Variants in ADGRB3 observed in about 807,000 individuals in gnomAD.
ADGRB3 encodes the protein brain-specific angiogenesis inhibitor 3.
A neutral mutation model predicts 193.4 loss-of-function variants in ADGRB3; 37 were observed. That is an observed-to-expected ratio of 0.19 (90% CI 0.15 to 0.25). ADGRB3 has a LOEUF of 0.25. ADGRB3 is among the 10% of genes least tolerant of loss of function. The pLI is 1.00. For synonymous variants in ADGRB3, 690 were observed against 644.2 expected (o/e 1.07, Z -1.08); for missense variants, 1,637 against 1,852.9 (o/e 0.88, Z 2.14).
intron 17 of ADGRB3, among the ~76,000 whole-genome samples, chr6:69,206,448 G>A (rs1481574585): frequency 1.3e-5 from 2 of 151,966 alleles, no homozygotes; most frequent in Non-Finnish European, 2.9e-5. Context: ...TTGACACTCA[G>A]TATTAACCAT....
rs556580895 is a variant in ADGRB3, at chr6:69,315,932, T to C, written c.2815-8940T>C. ...TTACAGTGTGCAAATATTGATACTCTTTAAGGGTTTCTAAATAGTATACTG... is the reference window on the plus strand; with the variant it reads ...TTACAGTGTGCAAATATTGATACTCCTTAAGGGTTTCTAAATAGTATACTG... On this transcript the variant is annotated intron_variant, in intron 20 of 31. Coordinates refer to ENST00000370598, the MANE Select transcript of ADGRB3 (RefSeq NM_001704.3). Among the ~76,000 whole-genome samples the C allele has an allele frequency of 3.3e-5, 5 of 151,522 alleles. No homozygotes were observed. In the East Asian group the frequency reaches 5.8e-4, roughly 18 times the overall value.
At chr6:68,685,738 A>G (rs1282378852) in intron 3 of ADGRB3, among the ~76,000 whole-genome samples, 6 of 151,858 alleles carry the variant, frequency 4.0e-5, no homozygotes, top group Non-Finnish European at 5.9e-5. Context: ...AAAAGAAAAA[A>G]AAAAATTAGC....
rs140623029 is a variant in ADGRB3, at chr6:68,974,765, C to T, written c.1528C>T (p.Pro510Ser). 2 of 1,613,336 alleles carry T rather than the reference C, an allele frequency of 1.2e-6. No homozygotes were observed. The highest frequency in any genetic ancestry group is 1.7e-6 in the Non-Finnish European group (2 of 1,179,632). ...AGTCCCTTTGTTTAAAATTGCAGCA[C>T]CTTATGAAATATGCCCTGAGGATTA... ...RRCNEQRCPA[P>S]YEICPEDYLM... is the part of the protein sequence containing the mutation. The change falls in exon 9 of 32, where the codon CCT (proline) becomes TCT (serine). Residue 510 changes from proline to serine, a missense_variant and splice_region_variant. Physicochemically the swap from Pro to Ser is moderately conservative, Grantham distance 74. Around this residue, in one of 7 missense-constraint regions of ADGRB3, gnomAD observed 641 missense variants for 673.9 expected, o/e 0.95. Coordinates refer to ENST00000370598, the MANE Select transcript of ADGRB3 (RefSeq NM_001704.3).
chr6:68,638,660 G>T lies in ADGRB3; in HGVS notation c.-15-1G>T, dbSNP rs1353067479. 2 of 1,595,518 alleles carry T rather than the reference G, an allele frequency of 1.3e-6. No homozygotes were observed. Among genetic ancestry groups the T allele is most frequent in the African/African-American group, 2.7e-5 (2 of 73,880 alleles). Reference sequence around the variant, plus strand: ...TTTTACTTTCATTGCCATTTTTACAGGCCAAATGACATAGGATGAAGGCTG... The same window carrying T: ...TTTTACTTTCATTGCCATTTTTACATGCCAAATGACATAGGATGAAGGCTG... On this transcript the variant is annotated splice_acceptor_variant, in intron 2 of 31. Transcript: ENST00000370598. LOFTEE classifies it low-confidence loss of function (5UTR_SPLICE).
intron 3 of ADGRB3, among the ~76,000 whole-genome samples, chr6:68,829,176 T>C (rs1273822078): frequency 7.1e-6 from 1 of 141,214 alleles, no homozygotes; most frequent in Non-Finnish European, 1.5e-5. Flanking sequence ...CTCGGCTCAC[T>C]GAAACCTCTG....
intron 17 of ADGRB3, among the ~76,000 whole-genome samples, chr6:69,175,409 T>G (rs1339498516): frequency 6.6e-6 from 1 of 152,200 alleles, no homozygotes; most frequent in Non-Finnish European, 1.5e-5. Context: ...CTTTTCTCAT[T>G]GCTTATTTTT....
chr6:69,015,982 A>G (rs2150286097), intron 12 of ADGRB3, among the ~76,000 whole-genome samples: 1 of 152,046 alleles, frequency 6.6e-6, no homozygotes, highest in South Asian at 2.1e-4. Context: ...TTGAAAATTC[A>G]TATGTCTCTA....
At chr6:68,947,305 A>G (rs1340399845) in intron 6 of ADGRB3, among the ~76,000 whole-genome samples, 2 of 152,040 alleles carry the variant, frequency 1.3e-5, no homozygotes, top group Non-Finnish European at 2.9e-5. Context: ...TGGTGGTCCA[A>G]ACTATGTTTT....
intron 17 of ADGRB3, among the ~76,000 whole-genome samples, chr6:69,213,213 C>A (rs1765704174): frequency 6.6e-6 from 1 of 152,126 alleles, no homozygotes; most frequent in Non-Finnish European, 1.5e-5. Flanking sequence ...ATGTAATTTT[C>A]TTCCCTATAA....
Position 69,143,947 on chromosome 6 carries a change from A to C in ADGRB3, c.2480+67909A>C, listed in dbSNP as rs113466285. Among the ~76,000 whole-genome samples the C allele has an allele frequency of 2.7e-3, 416 of 152,296 alleles. 1 individual carries two copies. Among genetic ancestry groups the C allele is most frequent in the African/African-American group, 9.9e-3 (410 of 41,554 alleles). ...TCATTGGTATTTTAAAATGGATTGCACTGAATTTGTAGATTGCTTTGGGTA... is the reference window on the plus strand; with the variant it reads ...TCATTGGTATTTTAAAATGGATTGCCCTGAATTTGTAGATTGCTTTGGGTA... On this transcript the variant is annotated intron_variant, in intron 17 of 31. Coordinates refer to ENST00000370598, the MANE Select transcript of ADGRB3 (RefSeq NM_001704.3).
At chr6:68,785,445 T>C (rs1766946818) in intron 3 of ADGRB3, among the ~76,000 whole-genome samples, 1 of 151,792 alleles carries the variant, frequency 6.6e-6, no homozygotes, top group Admixed American at 6.6e-5. Flanking sequence ...CTGAGAATGA[T>C]GGTTTCCAGC....
At position 68,854,324 on chromosome 6, in the gene ADGRB3, G is replaced by A. The variant is rs544704848; in HGVS notation, c.758-76235G>A. Among the ~76,000 whole-genome samples the A allele has an allele frequency of 8.9e-4, 135 of 152,194 alleles. 1 individual carries two copies. In the South Asian group the frequency reaches 0.02, roughly 22 times the overall value. On this transcript the variant is annotated intron_variant, in intron 3 of 31. Transcript: ENST00000370598. ...ATAACATCAAGAGATTTATTATATA[G>A]CATGGTTTCTATAATTAATAATGAT...
At chr6:68,826,065 T>C (rs1027105418) in intron 3 of ADGRB3, among the ~76,000 whole-genome samples, 1 of 152,108 alleles carries the variant, frequency 6.6e-6, no homozygotes, top group Non-Finnish European at 1.5e-5. Context: ...CAGATATATT[T>C]TGAATACTGA....
intron 11 of ADGRB3, among the ~76,000 whole-genome samples, chr6:69,001,215 T>C (rs1769567717): frequency 1.3e-5 from 2 of 152,222 alleles, no homozygotes; most frequent in African/African-American, 4.8e-5. Flanking sequence ...AAATACTCAA[T>C]AATTAAACTA....
intron 8 of ADGRB3, among the ~76,000 whole-genome samples, chr6:68,963,896 A>G (rs1214736241): frequency 5.3e-5 from 8 of 152,174 alleles, no homozygotes; most frequent in African/African-American, 9.6e-5. Flanking sequence ...CAGATGAACT[A>G]TCTGTTCTCA....
At chr6:69,339,203 T>G (rs1443519629) in intron 25 of ADGRB3, 130 bp from the exon 26 acceptor site, 44 of 1,218,712 alleles carry the variant, frequency 3.6e-5, no homozygotes, top group Non-Finnish European at 3.9e-5. Flanking sequence ...CTCTCAAATG[T>G]CATCTGCTTT....
At chr6:69,186,010 A>C (rs1266183801) in intron 17 of ADGRB3, among the ~76,000 whole-genome samples, 1 of 152,082 alleles carries the variant, frequency 6.6e-6, no homozygotes, top group East Asian at 1.9e-4. Flanking sequence ...CACACAGAGC[A>C]TGCATGTGTG....
intron 30 of ADGRB3, among the ~76,000 whole-genome samples, chr6:69,372,778 G>A (rs373247718): frequency 2.6e-5 from 4 of 152,070 alleles, no homozygotes; most frequent in African/African-American, 7.2e-5. Context: ...TATATTTAAA[G>A]CAATTTTCTT....
In ADGRB3 at chr6:69,000,615, CAT is replaced by C. The variant is rs549616435; in HGVS notation, c.1929+6654_1929+6655del. ...AACAAAAAGCCCCAAAAGTATGAAACATGTGGCAATAAAAAGATCTGAAATGT... is the reference window on the plus strand; with the variant it reads ...AACAAAAAGCCCCAAAAGTATGAAACGTGGCAATAAAAAGATCTGAAATGT... On this transcript the variant is annotated intron_variant, in intron 11 of 31. Coordinates refer to ENST00000370598, the MANE Select transcript of ADGRB3 (RefSeq NM_001704.3). 3.2e-3 allele frequency among the ~76,000 whole-genome samples: 481 copies of C among 152,152 alleles called. 1 individual carries two copies. The highest frequency in any genetic ancestry group is 0.011 in the African/African-American group (442 of 41,526).
Sources: allele counts gnomAD v4.1 joint callset (sites outside exome capture counted in the v4.1 genomes callset), GRCh38; gene constraint gnomAD v4.1.1; regional missense constraint gnomAD v4.1.1; transcripts MANE v1.5; gene names NCBI Gene and HGNC (gene_info 2026-07-23, HGNC 2026-07-21).